Variants in COL5A3 observed in about 807,000 individuals in gnomAD.
COL5A3 encodes collagen alpha-3(V) chain.
In COL5A3, 172 loss-of-function variants were observed where a neutral mutation model predicts 250.0. That is an observed-to-expected ratio of 0.69 (90% CI 0.61 to 0.78). The LOEUF (loss-of-function observed/expected upper bound fraction) is 0.78, where lower values mean the gene tolerates loss of function less well. Among genes scored for constraint, COL5A3 ranks in the 30% least tolerant of loss-of-function variants. COL5A3 has a pLI of 0.00. For synonymous variants in COL5A3, 937 were observed against 900.4 expected, an observed-to-expected ratio of 1.04 and a Z score of -0.73; for missense variants, 2,340 against 2,334.4, an observed-to-expected ratio of 1.00 and a Z score of -0.05.
At chr19:9,987,232 C>CT (rs1164107491) in intron 27 of COL5A3, among the ~76,000 whole-genome samples, 2 of 152,314 alleles carry the variant, frequency 1.3e-5, no homozygotes, top group African/African-American at 4.8e-5. Context: ...TACAACATCT[C>CT]TGAGCTCAGC....
Position 9,974,402 on chromosome 19 carries a change from C to T in COL5A3, c.3349G>A (p.Asp1117Asn). ...PAGHPGPPGA[D>N]GAQGRRGPPG... ...GGTCCCCGGCGCCCCTGAGCCCCGT[C>T]TGCTCCCTGGAAGAACACAAACAGG... Residue 1117 changes from aspartate to asparagine, a missense_variant, in exon 46 of 67, where the codon GAC (aspartate) becomes AAC (asparagine). Transcript: ENST00000264828. The T allele has an allele frequency of 6.3e-7, 1 of 1,593,820 alleles. No individual in the cohort carries two copies. The highest frequency in any genetic ancestry group is 1.3e-5 in the African/African-American group (1 of 74,116).
chr19:9,991,755 C>G (rs533397871), intron 23 of COL5A3, 33 bp downstream of exon 23: 7 of 1,597,246 alleles, frequency 4.4e-6, no homozygotes, highest in Non-Finnish European at 6.0e-6. Flanking sequence ...CTGACCACTC[C>G]CATGCCCCAT....
intron 27 of COL5A3, among the ~76,000 whole-genome samples, chr19:9,987,623 A>G (rs912205488): frequency 6.6e-6 from 1 of 151,674 alleles, no homozygotes; most frequent in Non-Finnish European, 1.5e-5. Context: ...GGTGACGTGC[A>G]CCTATAGTCC....
intron 62 of COL5A3, 148 bp from the exon 63 acceptor site, chr19:9,966,894 A>C: frequency 1.5e-6 from 1 of 656,020 alleles, no homozygotes; most frequent in East Asian, 2.8e-5. Flanking sequence ...AGATAGAGAA[A>C]GGAGAGATAA....
chr19:9,997,968 C>A lies in COL5A3; in HGVS notation c.1200+16G>T. 6.2e-7 allele frequency: 1 copy of A among 1,614,006 alleles called. No homozygotes were observed. The highest frequency in any genetic ancestry group is 8.5e-7 in the Non-Finnish European group (1 of 1,179,946). On this transcript the variant is annotated intron_variant, in intron 10 of 66. Coordinates refer to ENST00000264828, the MANE Select transcript of COL5A3 (RefSeq NM_015719.4). ...GAAGGGAAAGACTGGAAGAAGGAAACACAGCCATGACTTACTTGGGGTCCT... is the reference window on the plus strand; with the variant it reads ...GAAGGGAAAGACTGGAAGAAGGAAAAACAGCCATGACTTACTTGGGGTCCT...
intron 1 of COL5A3, among the ~76,000 whole-genome samples, chr19:10,007,740 G>A (rs1184079287): frequency 2.0e-5 from 3 of 152,094 alleles, no homozygotes; most frequent in Non-Finnish European, 4.4e-5. Context: ...TTGGATGAAG[G>A]ACCCCCATTC....
At chr19:9,991,863 A>G in intron 22 of COL5A3, 22 bp from the exon 23 acceptor site, 1 of 1,606,104 alleles carries the variant, frequency 6.2e-7, no homozygotes, top group Non-Finnish European at 8.5e-7. Flanking sequence ...GTGGGGTTTC[A>G]GTGAAGCTAA....
rs1051365312 is a variant in COL5A3, at chr19:9,996,654, A to C, written c.1299T>G (p.Asp433Glu). The C allele has an allele frequency of 1.9e-6, 3 of 1,609,736 alleles. No homozygotes were observed. The highest frequency in any genetic ancestry group is 2.5e-6 in the Non-Finnish European group (3 of 1,178,948). The change falls in exon 12 of 67, where the codon GAT (aspartate) becomes GAG (glutamate). Residue 433 changes from aspartate to glutamate, a missense_variant. Asp to Glu is a conservative substitution (Grantham distance 45, BLOSUM62 2). Around this residue, in one of 3 missense-constraint regions of COL5A3, gnomAD observed 1,152 missense variants for 1,146.3 expected, o/e 1.00. Transcript: ENST00000264828. ...CAGTGCCCGGTGGGCCTCGGATCCC[A>C]TCAATGCCGGGGATTCCTGGGAGGC... Reference protein sequence around the residue: ...PAGLPGIPGIDGIRGPPGTVI... With the variant: ...PAGLPGIPGIEGIRGPPGTVI...
At chr19:9,969,513 G>T in intron 56 of COL5A3, 62 bp downstream of exon 56, 1 of 1,595,788 alleles carries the variant, frequency 6.3e-7, no homozygotes, top group Non-Finnish European at 8.6e-7. Flanking sequence ...GGGATCACAA[G>T]CTGGGAGCAG....
intron 31 of COL5A3, 50 bp downstream of exon 31, chr19:9,985,792 C>A: frequency 6.5e-7 from 1 of 1,533,924 alleles, no homozygotes. Flanking sequence ...AGATGTTAGT[C>A]TCTGAATCCT....
chr19:10,010,351 G>A lies in COL5A3; in HGVS notation c.35C>T (p.Ala12Val). Reference protein sequence around the residue: ...GNRRDLGQPRAGLCLLLAALQ... With the variant: ...GNRRDLGQPRVGLCLLLAALQ... ...CGCGGCCAGGAGCAGGCAGAGACCGGCCCGCGGCTGGCCCAGGTCCCGGCG... is the reference window on the plus strand; with the variant it reads ...CGCGGCCAGGAGCAGGCAGAGACCGACCCGCGGCTGGCCCAGGTCCCGGCG... Residue 12 changes from alanine to valine, a missense_variant, in exon 1 of 67, where the codon GCC becomes GTC. Around this residue, in one of 3 missense-constraint regions of COL5A3, gnomAD observed 1,152 missense variants for 1,146.3 expected, o/e 1.00. Coordinates refer to ENST00000264828, the MANE Select transcript of COL5A3 (RefSeq NM_015719.4). 2 of 1,467,722 alleles carry A rather than the reference G, an allele frequency of 1.4e-6. No individual in the cohort carries two copies. The highest frequency in any genetic ancestry group is 1.4e-5 in the South Asian group (1 of 73,302). 90.9% of individuals were successfully genotyped at this position (1,467,722 alleles called of 1,614,324 possible). A position where few individuals can be genotyped will look rare whatever the true frequency, so the allele number is the denominator to read the frequency against.
chr19:9,995,723 G>T, intron 15 of COL5A3, 106 bp from the exon 16 acceptor site: 2 of 831,558 alleles, frequency 2.4e-6, no homozygotes, highest in Non-Finnish European at 3.7e-6. Flanking sequence ...TATTGCCCAG[G>T]CCAGACACCT....
chr19:9,979,801 A>T, intron 37 of COL5A3, 38 bp downstream of exon 37: 1 of 1,574,632 alleles, frequency 6.4e-7, no homozygotes, highest in South Asian at 1.2e-5. Context: ...GAAAAAAAAA[A>T]AAAAGGATCA....
In COL5A3 at chr19:9,968,622, G is replaced by A; in HGVS notation, c.4206+53C>T. 1.9e-6 allele frequency: 3 copies of A among 1,597,444 alleles called. No homozygotes were observed. Among genetic ancestry groups the A allele is most frequent in the African/African-American group, 1.3e-5 (1 of 74,710 alleles). ...ATCTCCCAGCCCCCCAGCCAGGGAG[G>A]GAGGGAAAGAGGGGAGGAGATGGGG... On this transcript the variant is annotated intron_variant, in intron 58 of 66. Coordinates refer to ENST00000264828, the MANE Select transcript of COL5A3 (RefSeq NM_015719.4). This position sits in a 1 kb window ranked among gnomAD's most constrained non-coding sequence, Gnocchi z 4.1.
At chr19:9,991,951 A>G (rs2087199021) in intron 22 of COL5A3, 53 bp downstream of exon 22, 1 of 1,575,714 alleles carries the variant, frequency 6.3e-7, no homozygotes, top group Non-Finnish European at 8.7e-7. Flanking sequence ...GATGTGGACA[A>G]TCGGGGTCAG....
chr19:9,974,042 A>T (rs990706788), intron 47 of COL5A3, 70 bp from the exon 48 acceptor site: 3 of 1,512,524 alleles, frequency 2.0e-6, no homozygotes, highest in Admixed American at 4.2e-5. Flanking sequence ...TTGACCACAG[A>T]TACCACTGTC....
chr19:9,966,116 GC>G (rs1442213345), intron 64 of COL5A3, among the ~76,000 whole-genome samples, 197 bp downstream of exon 64: 1 of 152,236 alleles, frequency 6.6e-6, no homozygotes, highest in Non-Finnish European at 1.5e-5. Context: ...ATAGGCATGT[GC>G]CACCAGGCTG....
chr19:9,969,943 AG>A (rs57674179), intron 54 of COL5A3, 21 bp from the exon 55 acceptor site: 1 of 1,594,902 alleles, frequency 6.3e-7, no homozygotes, highest in Admixed American at 1.7e-5. Context: ...AAAGACAGTG[AG>A]GGGGGTCTAG....
chr19:9,970,232 G>A (rs1599533295), intron 54 of COL5A3, among the ~76,000 whole-genome samples: 1 of 111,878 alleles, frequency 8.9e-6, no homozygotes, highest in Non-Finnish European at 1.9e-5. Flanking sequence ...GGGGCTGTGG[G>A]GTGAGTGGGG....
Sources: gnomAD v4.1 joint callset for allele counts (sites outside exome capture counted in the v4.1 genomes callset) on GRCh38, gnomAD v4.1.1 for gene constraint, gnomAD v4.1.1 regional missense constraint, Gnocchi (gnomAD v3.1) non-coding constraint, MANE v1.5 for transcripts, NCBI Gene and HGNC (gene_info 2026-07-23, HGNC 2026-07-21) for gene names.